TNFRSF10A: variants seen among roughly 807,000 people sequenced by gnomAD.
TNFRSF10A encodes the protein tumor necrosis factor receptor superfamily member 10A.
Under a neutral mutation model 42.8 loss-of-function variants are expected in TNFRSF10A, and 44 were observed. That is an observed-to-expected ratio of 1.03 (90% CI 0.81 to 1.32). The LOEUF is 1.32. TNFRSF10A is among the 40% of genes most tolerant of loss of function. TNFRSF10A has a pLI of 0.00. For synonymous variants in TNFRSF10A, 259 were observed against 234.2 expected (o/e 1.11, Z -0.97); for missense variants, 680 against 602.0 (o/e 1.13, Z -1.36).
intron 2 of TNFRSF10A, chr8:23,207,058 T>C (rs1801025031): frequency 2.1e-6 from 1 of 473,572 alleles, no homozygotes. Context: ...CACCTTCCGG[T>C]GGCCCAAGAT....
intron 1 of TNFRSF10A, among the ~76,000 whole-genome samples, chr8:23,219,003 A>G (rs1801221821): frequency 6.6e-6 from 1 of 152,162 alleles, no homozygotes; most frequent in African/African-American, 2.4e-5. Context: ...ACATCCTCTA[A>G]GCCACCAATA....
chr8:23,224,610 C>G, intron 1 of TNFRSF10A, 146 bp downstream of exon 1: 1 of 1,125,866 alleles, frequency 8.9e-7, no homozygotes, highest in Non-Finnish European at 1.2e-6. Context: ...GTTCTTCCTC[C>G]GACTCCGACG....
chr8:23,209,420 T>G (rs1336178689), intron 2 of TNFRSF10A, among the ~76,000 whole-genome samples: 1 of 152,176 alleles, frequency 6.6e-6, no homozygotes, highest in Admixed American at 6.5e-5. Context: ...TGCTGATAAC[T>G]TATACACCGT....
chr8:23,192,008 T>G lies in TNFRSF10A; in HGVS notation c.1093A>C (p.Met365Leu). Residue 365 changes from methionine (M) to leucine (L), a missense_variant, in exon 10 of 10, where the codon ATG becomes CTG. Transcript: ENST00000221132. The stretch of plus-strand genomic sequence containing the variant: ...TTTGCAAACTTGTCAAAGAACAGCA[T>G]CAGAGCTGGGTGGAGAAAGCCACAG... ...ANGADPTETL[M>L]LFFDKFANIV... is the part of the protein sequence containing the mutation. 1.2e-6 allele frequency: 2 copies of G among 1,612,492 alleles called. No individual in the cohort carries two copies. The highest frequency in any genetic ancestry group is 1.7e-6 in the Non-Finnish European group (2 of 1,179,558).
intron 1 of TNFRSF10A, among the ~76,000 whole-genome samples, chr8:23,217,548 TA>T (rs1184471439): frequency 3.3e-5 from 5 of 151,450 alleles, no homozygotes; most frequent in African/African-American, 4.8e-5. Context: ...AATAGTACCT[TA>T]AAAAAAAATC....
chr8:23,212,739 T>C (rs1033483810), intron 1 of TNFRSF10A, among the ~76,000 whole-genome samples: 1 of 152,240 alleles, frequency 6.6e-6, no homozygotes, highest in Non-Finnish European at 1.5e-5. Flanking sequence ...AATTGCTGTT[T>C]TCTTACAAGA....
chr8:23,205,816 T>A (rs963824311), intron 2 of TNFRSF10A, among the ~76,000 whole-genome samples: 1 of 150,910 alleles, frequency 6.6e-6, no homozygotes, highest in African/African-American at 2.4e-5. Context: ...GTTCAAGCGA[T>A]TATCCTGCCT....
In TNFRSF10A at chr8:23,200,581, C is replaced by T. The variant is rs1251107941; in HGVS notation, c.723G>A (p.Trp241Ter). 1 of 1,614,168 alleles carries T rather than the reference C, an allele frequency of 6.2e-7. No individual in the cohort carries two copies. The highest frequency in any genetic ancestry group is 1.3e-5 in the African/African-American group (1 of 75,034). The change falls in exon 6 of 10, where the codon TGG becomes TGA. Residue 241 changes from tryptophan to a stop codon, truncating the protein, a stop_gained. Coordinates refer to ENST00000221132, the MANE Select transcript of TNFRSF10A (RefSeq NM_003844.4). LOFTEE classifies it high-confidence loss of function. The stretch of plus-strand genomic sequence containing the variant: ...CAACCAAAGTCACAACCAAAATCAC[C>T]CATATATTATGTCCATTGCCTGAGA... ...HKESGNGHNI[W>*]VILVVTLVVP...
intron 2 of TNFRSF10A, among the ~76,000 whole-genome samples, chr8:23,204,772 T>A (rs1415319559): frequency 6.6e-6 from 1 of 152,038 alleles, no homozygotes; most frequent in Admixed American, 6.5e-5. Flanking sequence ...ATCACAGCTA[T>A]ATAAAAATTA....
At chr8:23,217,172 T>G (rs1245705476) in intron 1 of TNFRSF10A, among the ~76,000 whole-genome samples, 4 of 152,222 alleles carry the variant, frequency 2.6e-5, no homozygotes, top group Non-Finnish European at 5.9e-5. Context: ...AGCTCTACTA[T>G]TAGACATATA....
At chr8:23,223,541 C>G (rs1273244164) in intron 1 of TNFRSF10A, among the ~76,000 whole-genome samples, 1 of 152,214 alleles carries the variant, frequency 6.6e-6, no homozygotes, top group Non-Finnish European at 1.5e-5. Flanking sequence ...GTGGGTTCCA[C>G]CTAACATAAA....
At chr8:23,199,184 A>G in intron 8 of TNFRSF10A, 82 bp downstream of exon 8, 1 of 1,528,314 alleles carries the variant, frequency 6.5e-7, no homozygotes, top group Non-Finnish European at 8.9e-7. Flanking sequence ...CTCAGGCTCC[A>G]CTTCCCCTTT....
rs1800762861 is a variant in TNFRSF10A at position 23,192,031 on chromosome 8, C to T, written c.1088-18G>A. 1 of 1,600,214 alleles carries T rather than the reference C, an allele frequency of 6.2e-7. No individual in the cohort carries two copies. Among genetic ancestry groups the T allele is most frequent in the African/African-American group, 1.3e-5 (1 of 74,776 alleles). On this transcript the variant is annotated intron_variant, in intron 9 of 9. Coordinates refer to ENST00000221132, the MANE Select transcript of TNFRSF10A (RefSeq NM_003844.4). Reference sequence around the variant, plus strand: ...CATCAGAGCTGGGTGGAGAAAGCCACAGAGACAGCCAGATGAGTTGGGACT... The same window carrying T: ...CATCAGAGCTGGGTGGAGAAAGCCATAGAGACAGCCAGATGAGTTGGGACT...
At chr8:23,215,030 T>A (rs1405400851) in intron 1 of TNFRSF10A, among the ~76,000 whole-genome samples, 1 of 152,196 alleles carries the variant, frequency 6.6e-6, no homozygotes, top group East Asian at 1.9e-4. Flanking sequence ...TACTGTCTGA[T>A]ATTGAGGATT....
intron 1 of TNFRSF10A, among the ~76,000 whole-genome samples, chr8:23,213,378 T>C (rs1801116531): frequency 6.6e-6 from 1 of 151,370 alleles, no homozygotes; most frequent in Admixed American, 6.6e-5. Flanking sequence ...AGTTTTTCTA[T>C]TCTCTATTTC....
At position 23,191,869 on chromosome 8, in the gene TNFRSF10A, A is replaced by G. The variant is rs181796380; in HGVS notation, c.1232T>C (p.Met411Thr). The G allele has an allele frequency of 9.3e-5, 150 of 1,614,064 alleles. No individual in the cohort carries two copies. The highest frequency in any genetic ancestry group is 1.5e-4 in the Admixed American group (9 of 60,016). ...TAGPGDALYA[M>T]LMKWVNKTGR... ...AGTTTTGTTGACCCATTTCATCAGCATTGCATACAAGGCATCCCCTGGGCC... is the reference window on the plus strand; with the variant it reads ...AGTTTTGTTGACCCATTTCATCAGCGTTGCATACAAGGCATCCCCTGGGCC... The change falls in exon 10 of 10, where the codon ATG becomes ACG. Residue 411 changes from methionine to threonine, a missense_variant. Physicochemically the swap from Met to Thr is moderately conservative, Grantham distance 81. Transcript: ENST00000221132.
Position 23,224,777 on chromosome 8 carries a change from G to T in TNFRSF10A, c.285C>A (p.Val95=). Residue 95 remains valine, a synonymous_variant, in exon 1 of 10, where the codon GTC becomes GTA. Coordinates refer to ENST00000221132, the MANE Select transcript of TNFRSF10A (RefSeq NM_003844.4). ...TCACCTGCAGCAGGACCCCGACGAC[G>T]ACAAACTTGAAGGTCTTGTGGACCC... The part of the protein sequence containing the change: ...RLRVHKTFKF[V]VVGVLLQVVP... 1 of 1,569,108 alleles carries T rather than the reference G, an allele frequency of 6.4e-7. No homozygotes were observed. The highest frequency in any genetic ancestry group is 8.6e-7 in the Non-Finnish European group (1 of 1,157,178).
At chr8:23,215,526 A>T (rs941182590) in intron 1 of TNFRSF10A, among the ~76,000 whole-genome samples, 37 of 148,862 alleles carry the variant, frequency 2.5e-4, no homozygotes, top group Non-Finnish European at 4.4e-4. Flanking sequence ...GCATAACTAA[A>T]TAAATAAATA....
intron 1 of TNFRSF10A, among the ~76,000 whole-genome samples, chr8:23,212,666 C>G (rs908273831): frequency 1.3e-5 from 2 of 152,202 alleles, no homozygotes; most frequent in African/African-American, 4.8e-5. Flanking sequence ...GCTATGAACA[C>G]GGGTGTACAA....
Sources: allele counts gnomAD v4.1 joint callset (sites outside exome capture counted in the v4.1 genomes callset), GRCh38; gene constraint gnomAD v4.1.1; transcripts MANE v1.5; gene names NCBI Gene and HGNC (gene_info 2026-07-23, HGNC 2026-07-21).